Variants in CDH18 observed in about 807,000 individuals in gnomAD.
CDH18 encodes cadherin 18, also known as cadherin-18.
In CDH18, 31 loss-of-function variants were observed where a neutral mutation model predicts 67.9. That is an observed-to-expected ratio of 0.46 (90% confidence interval 0.34 to 0.62). The LOEUF (loss-of-function observed/expected upper bound fraction) is 0.62, where lower values mean the gene tolerates loss of function less well. CDH18 is among the 20% of genes least tolerant of loss of function. CDH18 has a pLI of 0.01. For synonymous variants in CDH18, 362 were observed against 347.2 expected (o/e 1.04, Z -0.48); for missense variants, 890 against 975.5 (o/e 0.91, Z 1.17).
rs184157319 is a variant in CDH18, at chr5:20,541,083, C to G, written c.-580+34379G>C. Among the ~76,000 whole-genome samples, 251 of 152,258 alleles carry G rather than the reference C, an allele frequency of 1.6e-3. 1 individual carries two copies. In the Middle Eastern group the frequency reaches 0.031, roughly 19 times the overall value. On this transcript the variant is annotated intron_variant, in intron 1 of 14. Transcript: ENST00000507958. ...TCAATCTATCGGATTAAATATCATCCTCCTGAAAGAAGTGCAAAAGCAGGA... is the reference window on the plus strand; with the variant it reads ...TCAATCTATCGGATTAAATATCATCGTCCTGAAAGAAGTGCAAAAGCAGGA...
chr5:20,439,705 G>A (rs774696796), intron 1 of CDH18, among the ~76,000 whole-genome samples: 10 of 151,638 alleles, frequency 6.6e-5, no homozygotes, highest in Non-Finnish European at 1.0e-4. Context: ...CTAAAATATT[G>A]TCTGAGGTAA....
intron 1 of CDH18, among the ~76,000 whole-genome samples, chr5:20,332,433 T>C (rs1229102823): frequency 6.6e-6 from 1 of 152,174 alleles, no homozygotes. Flanking sequence ...TAATAAAAGG[T>C]CATTCCTGGT....
At chr5:19,934,844 G>A (rs1345089546) in intron 2 of CDH18, among the ~76,000 whole-genome samples, 3 of 151,368 alleles carry the variant, frequency 2.0e-5, no homozygotes, top group Non-Finnish European at 4.4e-5. Context: ...AAAGTGGCTA[G>A]TTATGGTCTT....
At chr5:19,761,041 C>T (rs1581230836) in intron 3 of CDH18, among the ~76,000 whole-genome samples, 1 of 152,160 alleles carries the variant, frequency 6.6e-6, no homozygotes, top group Non-Finnish European at 1.5e-5. Context: ...CCACATGTCC[C>T]CATTCCAAGT....
chr5:20,509,545 G>A (rs1417834394), intron 1 of CDH18, among the ~76,000 whole-genome samples: 2 of 139,968 alleles, frequency 1.4e-5, no homozygotes, highest in Non-Finnish European at 3.2e-5. Context: ...CTAGTATCTG[G>A]GACTACAGGT....
In CDH18 at chr5:20,527,060, A is replaced by T. The variant is rs548815685; in HGVS notation, c.-580+48402T>A. On this transcript the variant is annotated intron_variant, in intron 1 of 14. Coordinates refer to the CDH18 transcript ENST00000507958. ...AACTAAAATAACCAGTTTAGAGAGG[A>T]ACATAAATTACCTGATAGAGCTGAG... Among the ~76,000 whole-genome samples, 3 of 152,228 alleles carry T rather than the reference A, an allele frequency of 2.0e-5. No homozygotes were observed. In the East Asian group the frequency reaches 5.8e-4, roughly 29 times the overall value.
Position 19,710,327 on chromosome 5 carries a change from T to C in CDH18, c.643+11020A>G, listed in dbSNP as rs540846220. Among the ~76,000 whole-genome samples the C allele has an allele frequency of 1.1e-4, 16 of 152,294 alleles. 1 individual carries two copies. The South Asian group carries it at 3.3e-3, about 32-fold the overall frequency. On this transcript the variant is annotated intron_variant, in intron 5 of 12. Coordinates refer to ENST00000382275, the MANE Select transcript of CDH18 (RefSeq NM_004934.5). ...CCTTCCCAAAGTCAGATTTTATTTC[T>C]ATATAAACAAATATTGTCTTCTATG... is the stretch of plus-strand genomic sequence containing the variant.
chr5:19,841,140 C>A (rs1285146878), intron 2 of CDH18, among the ~76,000 whole-genome samples: 1 of 152,166 alleles, frequency 6.6e-6, no homozygotes, highest in African/African-American at 2.4e-5. Context: ...ATAGTGCTTA[C>A]TTCACCATTG....
intron 8 of CDH18, among the ~76,000 whole-genome samples, chr5:19,565,778 G>A (rs965136807): frequency 7.2e-5 from 11 of 152,170 alleles, no homozygotes; most frequent in East Asian, 5.8e-4. Context: ...AAGAGAGTAC[G>A]TTGGGAAAAC....
chr5:19,947,719 CGCCACT>C (rs1795413632), intron 2 of CDH18, among the ~76,000 whole-genome samples: 1 of 151,092 alleles, frequency 6.6e-6, no homozygotes, highest in African/African-American at 2.4e-5. Flanking sequence ...GCTGTGATGG[CGCCACT>C]GCACTCTAGC....
In CDH18 at chr5:20,441,388, G is replaced by A. The variant is rs568601239; in HGVS notation, c.-580+134074C>T. ...GCACGTGTGGGTATTGTGTTTTCAC[G>A]TGTGTGTAAACTGGTACAGGAATGA... On this transcript the variant is annotated intron_variant, in intron 1 of 14. Transcript: ENST00000507958. 5.9e-5 allele frequency among the ~76,000 whole-genome samples: 9 copies of A among 151,810 alleles called. No homozygotes were observed. In the South Asian group the frequency reaches 1.4e-3, roughly 24 times the overall value.
chr5:20,198,657 A>T (rs550882143), intron 2 of CDH18, among the ~76,000 whole-genome samples: 1 of 152,334 alleles, frequency 6.6e-6, no homozygotes, highest in South Asian at 2.1e-4. Flanking sequence ...ACAAGGAGCC[A>T]TAGGCTAATC....
At chr5:20,320,854 G>A (rs1214662596) in intron 1 of CDH18, among the ~76,000 whole-genome samples, 2 of 152,082 alleles carry the variant, frequency 1.3e-5, no homozygotes, top group African/African-American at 4.8e-5. Flanking sequence ...CAACTGCACT[G>A]CAGGCAACTC....
intron 3 of CDH18, among the ~76,000 whole-genome samples, chr5:19,836,856 G>A (rs2150016744): frequency 1.3e-5 from 2 of 152,098 alleles, no homozygotes; most frequent in South Asian, 4.2e-4. Flanking sequence ...TAAGGTGTAA[G>A]GTGATTCCTA....
chr5:20,146,467 T>C (rs1750653142), intron 2 of CDH18, among the ~76,000 whole-genome samples: 1 of 152,144 alleles, frequency 6.6e-6, no homozygotes, highest in Non-Finnish European at 1.5e-5. Flanking sequence ...TTGTGTTATA[T>C]TAGTTACTTA....
Position 20,031,879 on chromosome 5 carries a change from C to A in CDH18, c.-517-39865G>T, listed in dbSNP as rs1453194048. 6.6e-5 allele frequency among the ~76,000 whole-genome samples: 10 copies of A among 152,046 alleles called. No homozygotes were observed. The East Asian group carries it at 1.7e-3, about 26-fold the overall frequency. ...GAGATGAAGAAAATTCACCTTCTAT[C>A]TGAAAGCTGGACAATCAAGGCTCAT... On this transcript the variant is annotated intron_variant, in intron 2 of 14. Coordinates refer to the CDH18 transcript ENST00000507958.
intron 2 of CDH18, among the ~76,000 whole-genome samples, chr5:20,091,081 A>G (rs1580217078): frequency 6.6e-6 from 1 of 151,826 alleles, no homozygotes; most frequent in East Asian, 1.9e-4. Context: ...GGGAAAACAA[A>G]ACAAAAAAAC....
At chr5:19,979,215 A>AGTGT (rs113093535) in intron 2 of CDH18, among the ~76,000 whole-genome samples, 27,320 of 146,768 alleles carry the variant, frequency 0.19, 3,073 homozygotes, top group African/African-American at 0.33. Flanking sequence ...GTGGGGATGG[A>AGTGT]GTGTGTGTGT....
intron 1 of CDH18, among the ~76,000 whole-genome samples, chr5:20,408,287 G>A (rs756019732): frequency 6.6e-6 from 1 of 152,040 alleles, no homozygotes; most frequent in Non-Finnish European, 1.5e-5. Flanking sequence ...TGAAACAAAA[G>A]TATGCCAAAG....
Sources: gnomAD v4.1 joint callset for allele counts (sites outside exome capture counted in the v4.1 genomes callset) on GRCh38, gnomAD v4.1.1 for gene constraint, MANE v1.5 for transcripts, NCBI Gene and HGNC (gene_info 2026-07-23, HGNC 2026-07-21) for gene names.